Variants in NAV1 observed in about 807,000 individuals in gnomAD.
NAV1 encodes neuron navigator 1.
NAV1 carries 18 observed loss-of-function variants against 175.2 expected under a neutral mutation model. The observed-to-expected ratio is 0.10, with a 90% confidence interval of 0.07 to 0.15. The LOEUF (loss-of-function observed/expected upper bound fraction) is 0.15, where lower values mean the gene tolerates loss of function less well. Ranked by LOEUF, NAV1 falls within the 10% of genes least tolerant of loss-of-function variation. The probability of loss-of-function intolerance (pLI) is 1.00; values close to 1 mark genes in which losing one functional copy is unlikely to be tolerated. For synonymous variants in NAV1, 897 were observed against 978.7 expected (o/e 0.92, Z 1.56); for missense variants, 1,731 against 2,436.6 (o/e 0.71, Z 6.10).
At chr1:201,793,099 A>C (rs528327196) in intron 13 of NAV1, 1 of 152,362 alleles carries the variant, frequency 6.6e-6, no homozygotes, top group South Asian at 2.1e-4. Context: ...CTAGAGGTCA[A>C]ACTATGCCAA....
chr1:201,545,360 CTTTT>C (rs889765521), intron 1 of NAV1, among the ~76,000 whole-genome samples: 1 of 149,454 alleles, frequency 6.7e-6, no homozygotes, highest in South Asian at 2.1e-4. Flanking sequence ...TTTTTCTTTT[CTTTT>C]TTTTTTTAAT....
intron 1 of NAV1, among the ~76,000 whole-genome samples, chr1:201,581,930 A>G (rs183873810): frequency 6.6e-6 from 1 of 152,246 alleles, no homozygotes; most frequent in Non-Finnish European, 1.5e-5. Context: ...CCCCGTCTCT[A>G]CTAAAAATAC....
rs1395535593 is a variant in NAV1 at position 201,812,864 on chromosome 1, CT to C, written c.5221+205del. On this transcript the variant is annotated intron_variant, in intron 27 of 29. Transcript: ENST00000367296. This position sits in a 1 kb window ranked among gnomAD's most constrained non-coding sequence, Gnocchi z 4.6. ...AATCACCAGAAAGCTAACCCCTCTC[CT>C]TGTTTTTTTCCCACAATTAACAGAA... Among the ~76,000 whole-genome samples, 2 of 152,182 alleles carry C rather than the reference CT, an allele frequency of 1.3e-5. No individual in the cohort carries two copies. Among genetic ancestry groups the C allele is most frequent in the African/African-American group, 4.8e-5 (2 of 41,444 alleles).
intron 1 of NAV1, among the ~76,000 whole-genome samples, chr1:201,708,246 G>C (rs1271183578): frequency 7.7e-6 from 1 of 129,390 alleles, no homozygotes; most frequent in Non-Finnish European, 1.7e-5. Flanking sequence ...GTGATGGCTG[G>C]GTTGGGAGAG....
chr1:201,667,024 G>A (rs1268077790), intron 1 of NAV1, among the ~76,000 whole-genome samples: 1 of 152,172 alleles, frequency 6.6e-6, no homozygotes, highest in Non-Finnish European at 1.5e-5. Flanking sequence ...GAATTCACCT[G>A]AGAGTGTGGG....
intron 3 of NAV1, among the ~76,000 whole-genome samples, chr1:201,731,523 G>A (rs764233817): frequency 2.0e-5 from 3 of 152,220 alleles, no homozygotes; most frequent in East Asian, 1.9e-4. Flanking sequence ...CTACTAAAAG[G>A]GGTCTGTGTC....
exon 1 of NAV1, chr1:201,648,588 C>T (rs1198846167): frequency 2.4e-6 from 3 of 1,267,138 alleles, no homozygotes; most frequent in Non-Finnish European, 3.0e-6. Flanking sequence ...CCCCCGCCTC[C>T]TCCTCCTGCG....
chr1:201,818,653 CA>C (rs1298653210), intron 29 of NAV1, among the ~76,000 whole-genome samples: 1 of 152,046 alleles, frequency 6.6e-6, no homozygotes, highest in East Asian at 1.9e-4. Flanking sequence ...CAAGAGATAC[CA>C]CTTCACATTG....
intron 16 of NAV1, among the ~76,000 whole-genome samples, chr1:201,804,230 A>G (rs1678133604): frequency 2.0e-5 from 3 of 152,118 alleles, no homozygotes; most frequent in Non-Finnish European, 1.5e-5. Context: ...TTTCTCTTGC[A>G]TAATCCTAAA....
At position 201,694,335 on chromosome 1, in the gene NAV1, G is replaced by T. The variant is rs943843328; in HGVS notation, c.758-18482G>T. 3.3e-5 allele frequency among the ~76,000 whole-genome samples: 5 copies of T among 152,202 alleles called. No individual in the cohort carries two copies. The highest frequency in any genetic ancestry group is 1.2e-4 in the African/African-American group (5 of 41,446). ...CCTTTGTTCTTTGAAGGAGGGAAAGGAAGTGCTGAATGGAGCCAGGCAGCT... is the reference window on the plus strand; with the variant it reads ...CCTTTGTTCTTTGAAGGAGGGAAAGTAAGTGCTGAATGGAGCCAGGCAGCT... On this transcript the variant is annotated intron_variant, in intron 1 of 29. Transcript: ENST00000367296. The surrounding 1 kb of genome is among the most constrained non-coding windows in gnomAD (Gnocchi z 4.2).
At chr1:201,816,908 A>C (rs1363082667) in intron 28 of NAV1, 180 bp from the exon 33 acceptor site, 1 of 598,186 alleles carries the variant, frequency 1.7e-6, no homozygotes, top group Non-Finnish European at 2.9e-6. Context: ...TTCTGACCTC[A>C]AGTGATCTTC....
chr1:201,744,215 C>A (rs374383158), intron 3 of NAV1, among the ~76,000 whole-genome samples: 87 of 152,310 alleles, frequency 5.7e-4, no homozygotes, highest in Admixed American at 1.8e-3. Context: ...CAATTTTGTT[C>A]ATTTAACCTT....
At chr1:201,794,695 G>A (rs747750164) in intron 15 of NAV1, 118 bp downstream of exon 19, 1 of 892,168 alleles carries the variant, frequency 1.1e-6, no homozygotes, top group Non-Finnish European at 1.8e-6. Context: ...GAAGGTGAGG[G>A]CCTTTAGATA....
At chr1:201,625,479 G>A (rs1668302976) in intron 1 of NAV1, among the ~76,000 whole-genome samples, 1 of 152,182 alleles carries the variant, frequency 6.6e-6, no homozygotes, top group South Asian at 2.1e-4. Context: ...TCTTACCAGG[G>A]TGACCCCTGG....
At chr1:201,800,321 A>G (rs1677770727) in intron 15 of NAV1, among the ~76,000 whole-genome samples, 1 of 152,206 alleles carries the variant, frequency 6.6e-6, no homozygotes, top group South Asian at 2.1e-4. Context: ...ATTTTTAATT[A>G]ACTAGTTTCA....
chr1:201,558,553 A>G (rs1177596003), intron 1 of NAV1, among the ~76,000 whole-genome samples: 1 of 152,192 alleles, frequency 6.6e-6, no homozygotes. Flanking sequence ...CGCGGGTTCA[A>G]GCGATTCTCC....
At chr1:201,625,270 C>A (rs1216997440) in intron 1 of NAV1, among the ~76,000 whole-genome samples, 1 of 152,184 alleles carries the variant, frequency 6.6e-6, no homozygotes, top group Non-Finnish European at 1.5e-5. Context: ...GAAGGGCTGT[C>A]ATGTTGTAAG....
chr1:201,552,722 AC>A (rs1665896023), intron 1 of NAV1, among the ~76,000 whole-genome samples: 1 of 152,084 alleles, frequency 6.6e-6, no homozygotes, highest in Non-Finnish European at 1.5e-5. Context: ...GGCTCGCTGC[AC>A]CCCCATGTAT....
chr1:201,643,435 T>C (rs1668875291), upstream of NAV1, among the ~76,000 whole-genome samples: 1 of 150,842 alleles, frequency 6.6e-6, no homozygotes, highest in African/African-American at 2.4e-5. Context: ...TTCTTTCTCT[T>C]TTTTTTCTTT....
Sources: allele counts gnomAD v4.1 joint callset (sites outside exome capture counted in the v4.1 genomes callset), GRCh38; gene constraint gnomAD v4.1.1; non-coding constraint Gnocchi (gnomAD v3.1); transcripts MANE v1.5; gene names NCBI Gene and HGNC (gene_info 2026-07-23, HGNC 2026-07-21).